Variants in DCAF1 observed in about 807,000 individuals in gnomAD.
The protein encoded by DCAF1 is DDB1- and CUL4-associated factor 1.
In DCAF1, 15 loss-of-function variants were observed where a neutral mutation model predicts 128.0. The observed-to-expected ratio is 0.12, with a 90% CI of 0.08 to 0.18. DCAF1 has a LOEUF of 0.18. Among genes scored for constraint, DCAF1 ranks in the 10% least tolerant of loss-of-function variants. The pLI is 1.00. For synonymous variants in DCAF1, 610 were observed against 603.0 expected, an observed-to-expected ratio of 1.01 and a Z score of -0.17; for missense variants, 988 against 1,649.5, an observed-to-expected ratio of 0.60 and a Z score of 6.95.
chr3:51,505,465 T>G, the DCAF1 span, among the ~76,000 whole-genome samples: 2 of 152,106 alleles, frequency 1.3e-5, no homozygotes, highest in African/African-American at 4.8e-5. Flanking sequence ...CAGTTAGGCC[T>G]GGGAGCCAAA....
intron 2 of DCAF1, among the ~76,000 whole-genome samples, chr3:51,485,377 G>A (rs1425216944): frequency 6.6e-6 from 1 of 152,202 alleles, no homozygotes; most frequent in African/African-American, 2.4e-5. Context: ...AGAGAAGGTT[G>A]GCTGGGTTGA....
chr3:51,431,596 CT>C (rs1484348120), intron 10 of DCAF1, among the ~76,000 whole-genome samples: 33 of 151,532 alleles, frequency 2.2e-4, no homozygotes, highest in Non-Finnish European at 5.9e-5. Flanking sequence ...GAAAACCTCT[CT>C]GCAGCCCTAG....
At chr3:51,444,297 G>A (rs1373257840) in intron 6 of DCAF1, among the ~76,000 whole-genome samples, 2 of 151,620 alleles carry the variant, frequency 1.3e-5, no homozygotes, top group African/African-American at 4.8e-5. Flanking sequence ...ATATATTAAC[G>A]TTCTGAGAGG....
intron 12 of DCAF1, among the ~76,000 whole-genome samples, chr3:51,428,201 A>G (rs1700064383): frequency 6.6e-6 from 1 of 151,724 alleles, no homozygotes; most frequent in Admixed American, 6.6e-5. Context: ...TTTTTTCTTG[A>G]GACTGGTTCT....
chr3:51,422,960 C>T (rs184041177), intron 13 of DCAF1, among the ~76,000 whole-genome samples: 3 of 151,962 alleles, frequency 2.0e-5, no homozygotes, highest in East Asian at 3.9e-4. Flanking sequence ...CCCAGCTTCT[C>T]AGGAGGCTGA....
chr3:51,430,287 C>T, intron 10 of DCAF1, 75 bp from the exon 11 acceptor site: 2 of 697,432 alleles, frequency 2.9e-6, no homozygotes, highest in East Asian at 2.5e-5. Flanking sequence ...GGAAAATTTG[C>T]CAGTATAGAT....
chr3:51,437,883 GAAAAAAA>G (rs1297236054), intron 9 of DCAF1, among the ~76,000 whole-genome samples: 1 of 149,716 alleles, frequency 6.7e-6, no homozygotes, highest in Non-Finnish European at 1.5e-5. Flanking sequence ...CACTACGCCA[GAAAAAAA>G]AGAAAAAAGA....
At chr3:51,424,103 T>C (rs1332292473) in intron 13 of DCAF1, among the ~76,000 whole-genome samples, 5 of 151,846 alleles carry the variant, frequency 3.3e-5, no homozygotes, top group African/African-American at 4.8e-5. Flanking sequence ...GGCAAGAAAG[T>C]AGAGAAATGT....
At chr3:51,452,786 C>T (rs1282632156) in intron 6 of DCAF1, among the ~76,000 whole-genome samples, 1 of 151,654 alleles carries the variant, frequency 6.6e-6, no homozygotes, top group Non-Finnish European at 1.5e-5. Flanking sequence ...CTGAGGTGGG[C>T]GAATCATCTG....
intron 6 of DCAF1, among the ~76,000 whole-genome samples, chr3:51,455,856 C>T (rs2107915086): frequency 6.6e-6 from 1 of 152,028 alleles, no homozygotes; most frequent in South Asian, 2.1e-4. Flanking sequence ...AAGATCACAC[C>T]ACTGCACTCC....
At chr3:51,405,224 A>G (rs189925879) in intron 23 of DCAF1, among the ~76,000 whole-genome samples, 32 of 152,220 alleles carry the variant, frequency 2.1e-4, no homozygotes, top group Non-Finnish European at 2.8e-4. Flanking sequence ...GAAAGGTTAA[A>G]CTGCTCAAAT....
At chr3:51,410,062 A>G (rs1449276731) in intron 23 of DCAF1, among the ~76,000 whole-genome samples, 4 of 152,224 alleles carry the variant, frequency 2.6e-5, no homozygotes, top group Non-Finnish European at 5.9e-5. Context: ...CAAGGCCCCT[A>G]TAGAGCCCAT....
intron 9 of DCAF1, among the ~76,000 whole-genome samples, chr3:51,434,651 A>C (rs1700659472): frequency 6.6e-6 from 1 of 152,216 alleles, no homozygotes; most frequent in African/African-American, 2.4e-5. Flanking sequence ...GCCTTCCTTT[A>C]AATTGATCAA....
Position 51,416,167 on chromosome 3 carries a change from C to CA in DCAF1, c.3603+619dup, listed in dbSNP as rs1162997011. Among the ~76,000 whole-genome samples, 8 of 150,660 alleles carry CA rather than the reference C, an allele frequency of 5.3e-5. No individual in the cohort carries two copies. In the South Asian group the frequency reaches 1.0e-3, roughly 20 times the overall value. On this transcript the variant is annotated intron_variant, in intron 18 of 24. Transcript: ENST00000684031. The stretch of plus-strand genomic sequence containing the variant: ...CACCCACCAGTGTCTTCATCTCACT[C>CA]AAAAAAAAAGCTAAAGGCCCTAACT...
chr3:51,427,675 C>A lies in DCAF1; in HGVS notation c.1678-134G>T, dbSNP rs556905245. ...CAAGACAGGGTCTCACTTTGCTGCC[C>A]AGGCTGGAGGGCAGTGGCTTGATCA... On this transcript the variant is annotated intron_variant, in intron 12 of 24. Transcript: ENST00000684031. The A allele has an allele frequency of 2.9e-5, 12 of 420,828 alleles. No homozygotes were observed. In the East Asian group the frequency reaches 3.2e-4, roughly 11 times the overall value. 26.1% of individuals were successfully genotyped at this position (420,828 alleles called of 1,614,324 possible). A position where few individuals can be genotyped will look rare whatever the true frequency, so the allele number is the denominator to read the frequency against.
chr3:51,444,074 T>C (rs1577164936), intron 6 of DCAF1, among the ~76,000 whole-genome samples, 171 bp from the exon 7 acceptor site: 1 of 152,316 alleles, frequency 6.6e-6, no homozygotes, highest in East Asian at 1.9e-4. Flanking sequence ...AAAGTATCTG[T>C]GCAATAGAAG....
intron 2 of DCAF1, among the ~76,000 whole-genome samples, chr3:51,493,232 G>A (rs1019330750): frequency 4.0e-5 from 6 of 151,386 alleles, no homozygotes; most frequent in Non-Finnish European, 7.4e-5. Flanking sequence ...GATCTCCTGA[G>A]GTCGGGAGTT....
At chr3:51,421,323 C>T (rs1344676610) in intron 14 of DCAF1, among the ~76,000 whole-genome samples, 1 of 152,180 alleles carries the variant, frequency 6.6e-6, no homozygotes, top group African/African-American at 2.4e-5. Context: ...GTGGCGTGAT[C>T]TTGGCTCACT....
intron 4 of DCAF1, among the ~76,000 whole-genome samples, chr3:51,467,441 C>A (rs368994566): frequency 5.9e-5 from 9 of 152,052 alleles, no homozygotes; most frequent in East Asian, 1.9e-4. Context: ...TAGGTGGGAA[C>A]TGAACAATGA....
Sources: allele counts gnomAD v4.1 joint callset (sites outside exome capture counted in the v4.1 genomes callset), GRCh38; gene constraint gnomAD v4.1.1; transcripts MANE v1.5; gene names NCBI Gene and HGNC (gene_info 2026-07-23, HGNC 2026-07-21).